FAM162A: variants seen among roughly 807,000 people sequenced by gnomAD.
FAM162A encodes family with sequence similarity 162 member A.
In FAM162A, 23 loss-of-function variants were observed where a neutral mutation model predicts 21.8. The observed-to-expected ratio is 1.05, with a 90% confidence interval of 0.76 to 1.49. The LOEUF (loss-of-function observed/expected upper bound fraction) is 1.49, where lower values mean the gene tolerates loss of function less well. FAM162A is among the 40% of genes most tolerant of loss of function. The pLI is 0.00. For synonymous variants in FAM162A, 53 were observed against 61.3 expected, an observed-to-expected ratio of 0.86 and a Z score of 0.64; for missense variants, 165 against 186.4, an observed-to-expected ratio of 0.89 and a Z score of 0.67.
At chr3:122,402,629 C>T in intron 1 of FAM162A, 131 bp from the exon 2 acceptor site, 1 of 735,786 alleles carries the variant, frequency 1.4e-6, no homozygotes, top group Non-Finnish European at 2.0e-6. Flanking sequence ...GTGTATCTTA[C>T]ATATAGTAAA....
At chr3:122,407,768 T>C (rs2075683694) in intron 4 of FAM162A, 2 of 261,646 alleles carry the variant, frequency 7.6e-6, no homozygotes, top group Admixed American at 9.7e-5. Context: ...ATAACTGCCT[T>C]CAGCATGGTG....
At chr3:122,402,308 G>A (rs1576251742) in intron 1 of FAM162A, among the ~76,000 whole-genome samples, 1 of 152,068 alleles carries the variant, frequency 6.6e-6, no homozygotes, top group African/African-American at 2.4e-5. Context: ...CTTGTGGCTT[G>A]CAAGGAGCAA....
chr3:122,410,204 G>C lies in FAM162A; in HGVS notation c.*373G>C, dbSNP rs576271232. On this transcript the variant is annotated 3_prime_UTR_variant, in exon 5 of 5. Coordinates refer to ENST00000477892, the MANE Select transcript of FAM162A (RefSeq NM_014367.4). ...GAAGGCCAGTTGAGTATATGGCCCA[G>C]GTGCAGCTTGGAGGGCCAGCCTTCT... is the stretch of plus-strand genomic sequence containing the variant. 67 of 331,884 alleles carry C rather than the reference G, an allele frequency of 2.0e-4. No homozygotes were observed. Among genetic ancestry groups the C allele is most frequent in the African/African-American group, 1.5e-3 (67 of 46,012 alleles). The allele number at this position is 331,884 out of a possible 1,614,324, so 20.6% of individuals were successfully genotyped here. A position where few individuals can be genotyped will look rare whatever the true frequency, so the allele number is the denominator to read the frequency against.
At chr3:122,388,865 C>T (rs1334197985) in intron 1 of FAM162A, among the ~76,000 whole-genome samples, 4 of 152,024 alleles carry the variant, frequency 2.6e-5, no homozygotes, top group Admixed American at 2.0e-4. Context: ...CTTGCTAACA[C>T]GGTGAAACCC....
intron 1 of FAM162A, among the ~76,000 whole-genome samples, chr3:122,400,717 C>T (rs541639876): frequency 1.1e-4 from 17 of 152,032 alleles, no homozygotes; most frequent in African/African-American, 4.1e-4. Context: ...TTCCCAGCTA[C>T]GTGGGAGGCT....
chr3:122,393,962 G>A (rs572522706), intron 1 of FAM162A, among the ~76,000 whole-genome samples: 41 of 152,268 alleles, frequency 2.7e-4, no homozygotes, highest in African/African-American at 9.1e-4. Context: ...AAGAAAAGCA[G>A]TTTAATTGGT....
intron 1 of FAM162A, among the ~76,000 whole-genome samples, chr3:122,400,174 A>G (rs1476319863): frequency 6.6e-6 from 1 of 152,182 alleles, no homozygotes; most frequent in African/African-American, 2.4e-5. Flanking sequence ...CCATATAACC[A>G]TGGAATACTA....
In FAM162A at chr3:122,407,191, A is replaced by C. The variant is rs999320795; in HGVS notation, c.264-90A>C. The C allele has an allele frequency of 3.9e-6, 4 of 1,021,458 alleles. No homozygotes were observed. In the African/African-American group the frequency reaches 6.5e-5, roughly 16 times the overall value. 63.3% of individuals were successfully genotyped at this position (1,021,458 alleles called of 1,614,324 possible). On this transcript the variant is annotated intron_variant, in intron 3 of 4. Coordinates refer to ENST00000477892, the MANE Select transcript of FAM162A (RefSeq NM_014367.4). ...TATTTATATTTATAGACACTACTACATTTTGAATTTATACACAGCCTTTTA... is the reference window on the plus strand; with the variant it reads ...TATTTATATTTATAGACACTACTACCTTTTGAATTTATACACAGCCTTTTA...
At chr3:122,389,439 G>C (rs569688302) in intron 1 of FAM162A, among the ~76,000 whole-genome samples, 1 of 149,542 alleles carries the variant, frequency 6.7e-6, no homozygotes, top group Non-Finnish European at 1.5e-5. Flanking sequence ...AGATAGATGA[G>C]ATAGATAGAT....
At chr3:122,409,259 T>G (rs905650931) in intron 4 of FAM162A, among the ~76,000 whole-genome samples, 5 of 152,080 alleles carry the variant, frequency 3.3e-5, no homozygotes, top group Admixed American at 6.5e-5. Context: ...ATGGTAGTAT[T>G]TGGGTAAAGT....
chr3:122,409,967 G>A lies in FAM162A; in HGVS notation c.*136G>A. The A allele has an allele frequency of 1.3e-6, 1 of 768,130 alleles. No individual in the cohort carries two copies. Among genetic ancestry groups the A allele is most frequent in the Non-Finnish European group, 2.3e-6 (1 of 436,692 alleles). The allele number at this position is 768,130 out of a possible 1,614,324, so 47.6% of individuals were successfully genotyped here. A position where few individuals can be genotyped will look rare whatever the true frequency, so the allele number is the denominator to read the frequency against. On this transcript the variant is annotated 3_prime_UTR_variant, in exon 5 of 5. Transcript: ENST00000477892. ...AAACCTGTACCATTTCCGTATTTCT[G>A]CTGTAGAAGTAGAAATAAATTTTCT...
At chr3:122,391,008 G>A (rs1312262128) in intron 1 of FAM162A, among the ~76,000 whole-genome samples, 3 of 152,150 alleles carry the variant, frequency 2.0e-5, no homozygotes, top group Non-Finnish European at 4.4e-5. Context: ...TCCACCAGAG[G>A]ATGGAAAATT....
intron 4 of FAM162A, among the ~76,000 whole-genome samples, chr3:122,408,989 A>G (rs2075691035): frequency 6.6e-6 from 1 of 152,106 alleles, no homozygotes; most frequent in Non-Finnish European, 1.5e-5. Context: ...TTTTGCTCTC[A>G]CCATCAACTT....
chr3:122,395,868 T>C (rs944391003), intron 1 of FAM162A, among the ~76,000 whole-genome samples: 18 of 152,180 alleles, frequency 1.2e-4, no homozygotes, highest in Non-Finnish European at 2.9e-5. Flanking sequence ...TGGAATAGAA[T>C]TGATAGTCCA....
intron 1 of FAM162A, among the ~76,000 whole-genome samples, chr3:122,396,939 T>A (rs201354522): frequency 6.6e-6 from 1 of 151,888 alleles, no homozygotes; most frequent in Non-Finnish European, 1.5e-5. Context: ...ACTGTGACTT[T>A]TAGGGTTGGG....
At chr3:122,385,912 G>C (rs896626972) in intron 1 of FAM162A, among the ~76,000 whole-genome samples, 11 of 152,280 alleles carry the variant, frequency 7.2e-5, no homozygotes, top group African/African-American at 2.6e-4. Flanking sequence ...ATTTCTCATA[G>C]CAGCCCTCTC....
chr3:122,397,899 C>G (rs1414202721), intron 1 of FAM162A, among the ~76,000 whole-genome samples: 1 of 152,038 alleles, frequency 6.6e-6, no homozygotes, highest in Non-Finnish European at 1.5e-5. Context: ...TTAAAAGAAC[C>G]AGAGCCCATT....
At chr3:122,385,387 T>A (rs13317855) in intron 1 of FAM162A, among the ~76,000 whole-genome samples, 13,294 of 152,246 alleles carry the variant, frequency 0.087, 820 homozygotes, top group Non-Finnish European at 0.14. Flanking sequence ...ATACTATGAT[T>A]TCATTGATTT....
At position 122,384,240 on chromosome 3, in the gene FAM162A, G is replaced by C. The variant is rs767393992; in HGVS notation, c.-26G>C. The C allele has an allele frequency of 6.4e-7, 1 of 1,564,508 alleles. No homozygotes were observed. Among genetic ancestry groups the C allele is most frequent in the South Asian group, 1.2e-5 (1 of 84,860 alleles). Reference sequence around the variant, plus strand: ...GCCACCGTCCCCGGCGAAGTTCTGCGCTGGTCGGCGGAGTAGCAAGTGGCC... The same window carrying C: ...GCCACCGTCCCCGGCGAAGTTCTGCCCTGGTCGGCGGAGTAGCAAGTGGCC... On this transcript the variant is annotated 5_prime_UTR_variant, in exon 1 of 5. Coordinates refer to ENST00000477892, the MANE Select transcript of FAM162A (RefSeq NM_014367.4).
Sources: gnomAD v4.1 joint callset for allele counts (sites outside exome capture counted in the v4.1 genomes callset) on GRCh38, gnomAD v4.1.1 for gene constraint, MANE v1.5 for transcripts, NCBI Gene and HGNC (gene_info 2026-07-23, HGNC 2026-07-21) for gene names.